FSTL5: variants seen among roughly 807,000 people sequenced by gnomAD.
FSTL5 encodes the protein follistatin like 5.
In FSTL5, 62 loss-of-function variants were observed where a neutral mutation model predicts 89.1. That is an observed-to-expected ratio of 0.70 (90% CI 0.57 to 0.86). FSTL5 has a LOEUF of 0.86. Among genes scored for constraint, FSTL5 ranks in the 40% least tolerant of loss-of-function variants. The pLI is 0.00. For synonymous variants in FSTL5, 383 were observed against 346.2 expected (o/e 1.11, Z -1.18); for missense variants, 1,057 against 1,001.6 (o/e 1.06, Z -0.75).
intron 8 of FSTL5, among the ~76,000 whole-genome samples, chr4:161,576,958 C>A (rs923868506): frequency 6.6e-6 from 1 of 152,146 alleles, no homozygotes; most frequent in Non-Finnish European, 1.5e-5. Flanking sequence ...TTTCTCCATA[C>A]ATAGTGACAA....
chr4:161,604,997 A>G (rs1734386621), intron 7 of FSTL5, among the ~76,000 whole-genome samples: 1 of 152,222 alleles, frequency 6.6e-6, no homozygotes, highest in South Asian at 2.1e-4. Context: ...GCAATGCATT[A>G]TAACGAGTAC....
At position 161,522,779 on chromosome 4, in the gene FSTL5, C is replaced by T. The variant is rs541020289; in HGVS notation, c.1313-12355G>A. Among the ~76,000 whole-genome samples, 5 of 151,550 alleles carry T rather than the reference C, an allele frequency of 3.3e-5. No homozygotes were observed. The South Asian group carries it at 1.0e-3, about 31-fold the overall frequency. ...AATAAACAGTCAAATAGTCGATTGC[C>T]ATACTGCTAATAAAAGTATAAGTGA... On this transcript the variant is annotated intron_variant, in intron 10 of 15. Transcript: ENST00000306100.
intron 1 of FSTL5, among the ~76,000 whole-genome samples, chr4:162,141,035 G>A (rs1440601339): frequency 2.7e-5 from 4 of 150,208 alleles, no homozygotes; most frequent in Non-Finnish European, 5.9e-5. Context: ...TGGGAGTAAT[G>A]AGTGAATTCT....
intron 7 of FSTL5, among the ~76,000 whole-genome samples, chr4:161,640,556 A>C (rs1032803625): frequency 5.9e-5 from 9 of 152,310 alleles, no homozygotes; most frequent in African/African-American, 2.2e-4. Flanking sequence ...TGCAGATTTT[A>C]ACAGGAAGAA....
chr4:161,679,448 C>T (rs557996767), intron 6 of FSTL5, among the ~76,000 whole-genome samples: 2 of 151,646 alleles, frequency 1.3e-5, no homozygotes, highest in Non-Finnish European at 3.0e-5. Context: ...TACCTAAGGT[C>T]ACATAACTAT....
intron 3 of FSTL5, among the ~76,000 whole-genome samples, chr4:161,940,470 CAATTATAA>C (rs529187467): frequency 6.6e-6 from 1 of 150,906 alleles, no homozygotes; most frequent in Admixed American, 6.6e-5. Flanking sequence ...GCACTGAGCC[CAATTATAA>C]AGAAACTTTT....
intron 4 of FSTL5, among the ~76,000 whole-genome samples, chr4:161,789,086 A>G (rs564807080): frequency 1.1e-4 from 17 of 152,290 alleles, no homozygotes; most frequent in African/African-American, 4.1e-4. Context: ...TGACAGATTA[A>G]TATTTATATA....
At chr4:161,455,330 A>G (rs1461913007) in intron 14 of FSTL5, among the ~76,000 whole-genome samples, 1 of 152,190 alleles carries the variant, frequency 6.6e-6, no homozygotes, top group Non-Finnish European at 1.5e-5. Context: ...TGTTTCTATA[A>G]AGAAAAAAAT....
chr4:161,940,559 TAAC>T (rs1467969950), intron 3 of FSTL5, among the ~76,000 whole-genome samples: 2 of 150,922 alleles, frequency 1.3e-5, no homozygotes, highest in Non-Finnish European at 3.0e-5. Flanking sequence ...TCAATACAAA[TAAC>T]AGCTGATTTT....
intron 15 of FSTL5, among the ~76,000 whole-genome samples, chr4:161,450,399 A>C (rs778790876): frequency 5.9e-5 from 9 of 152,204 alleles, no homozygotes; most frequent in Non-Finnish European, 1.2e-4. Flanking sequence ...GTAAATCCTC[A>C]TGCTTTATGA....
intron 15 of FSTL5, among the ~76,000 whole-genome samples, chr4:161,439,796 T>A (rs2126364273): frequency 6.6e-6 from 1 of 152,244 alleles, no homozygotes; most frequent in Middle Eastern, 3.4e-3. Context: ...TAAAATCAAC[T>A]GATACTTTCA....
chr4:162,155,515 TAA>T (rs1561050176), intron 1 of FSTL5, among the ~76,000 whole-genome samples: 1 of 152,220 alleles, frequency 6.6e-6, no homozygotes, highest in Non-Finnish European at 1.5e-5. Flanking sequence ...TTTATGTGGC[TAA>T]GTCTGTGATA....
At chr4:161,610,555 T>G (rs957770402) in intron 7 of FSTL5, among the ~76,000 whole-genome samples, 14 of 152,128 alleles carry the variant, frequency 9.2e-5, no homozygotes, top group Non-Finnish European at 2.1e-4. Flanking sequence ...AACCCAGGTT[T>G]CTAAGATCTA....
intron 6 of FSTL5, among the ~76,000 whole-genome samples, chr4:161,694,404 G>T (rs1040716770): frequency 3.3e-5 from 5 of 151,858 alleles, no homozygotes; most frequent in African/African-American, 1.2e-4. Flanking sequence ...AAAAGCACTT[G>T]TAAATTTTTC....
At chr4:161,870,906 G>C (rs1025730591) in intron 4 of FSTL5, among the ~76,000 whole-genome samples, 7 of 152,072 alleles carry the variant, frequency 4.6e-5, no homozygotes, top group African/African-American at 1.7e-4. Context: ...GTAGGGAAGA[G>C]AATAAAGCTT....
chr4:162,116,240 C>A (rs1348586619), intron 1 of FSTL5, among the ~76,000 whole-genome samples: 1 of 152,192 alleles, frequency 6.6e-6, no homozygotes, highest in Non-Finnish European at 1.5e-5. Flanking sequence ...GGTGAGGCTG[C>A]AGCTAGTGCC....
intron 12 of FSTL5, among the ~76,000 whole-genome samples, chr4:161,483,582 T>C (rs1471670201): frequency 1.3e-5 from 2 of 152,226 alleles, no homozygotes; most frequent in African/African-American, 4.8e-5. Context: ...CTGACAGTCA[T>C]CCTGGATTTT....
chr4:161,618,875 T>G (rs1734996713), intron 7 of FSTL5, among the ~76,000 whole-genome samples: 1 of 152,224 alleles, frequency 6.6e-6, no homozygotes, highest in African/African-American at 2.4e-5. Context: ...AGAGCCTGCA[T>G]CGCCAAGTCA....
chr4:161,798,487 A>G (rs1056155632), intron 4 of FSTL5, among the ~76,000 whole-genome samples: 3 of 150,854 alleles, frequency 2.0e-5, no homozygotes, highest in African/African-American at 7.3e-5. Context: ...TTTTTTTTTA[A>G]AGTATTTAGT....
Sources: gnomAD v4.1 joint callset for allele counts (sites outside exome capture counted in the v4.1 genomes callset) on GRCh38, gnomAD v4.1.1 for gene constraint, MANE v1.5 for transcripts, NCBI Gene and HGNC (gene_info 2026-07-23, HGNC 2026-07-21) for gene names.